The following ULK4 variants were observed in gnomAD, a reference collection of about 807,000 sequenced individuals.
ULK4 encodes the protein unc-51 like kinase 4.
Under a neutral mutation model 160.6 loss-of-function variants are expected in ULK4, and 133 were observed. That is an observed-to-expected ratio of 0.83 (90% CI 0.72 to 0.96). The LOEUF (loss-of-function observed/expected upper bound fraction) is 0.96. Ranked by LOEUF, ULK4 falls within the 40% of genes least tolerant of loss-of-function variation. The probability of loss-of-function intolerance (pLI) is 0.00; values close to 1 mark genes in which losing one functional copy is unlikely to be tolerated. For missense variants in ULK4, 1,580 were observed against 1,499.5 expected, an observed-to-expected ratio of 1.05 and a Z score of -0.89; for synonymous variants, 534 against 539.8, an observed-to-expected ratio of 0.99 and a Z score of 0.15.
intron 27 of ULK4, among the ~76,000 whole-genome samples, chr3:41,704,561 A>G (rs1338726395): frequency 6.6e-6 from 1 of 152,180 alleles, no homozygotes. Flanking sequence ...CAGTTTCCCA[A>G]ATGGGAGCAA....
At chr3:41,432,622 A>C (rs2082937957) in intron 34 of ULK4, among the ~76,000 whole-genome samples, 1 of 152,184 alleles carries the variant, frequency 6.6e-6, no homozygotes, top group Non-Finnish European at 1.5e-5. Flanking sequence ...TTTTCATAGA[A>C]GACACTTTGC....
intron 21 of ULK4, among the ~76,000 whole-genome samples, chr3:41,758,804 C>T (rs1174027001): frequency 2.7e-5 from 4 of 150,784 alleles, no homozygotes; most frequent in Non-Finnish European, 4.4e-5. Flanking sequence ...ACCCGGGAGG[C>T]GGAGCTTGCA....
At chr3:41,649,352 C>A (rs538866175) in intron 30 of ULK4, among the ~76,000 whole-genome samples, 1 of 152,258 alleles carries the variant, frequency 6.6e-6, no homozygotes, top group Non-Finnish European at 1.5e-5. Flanking sequence ...AGCCCCACCC[C>A]CTACTGAGTC....
chr3:41,823,600 G>C (rs1325477793), intron 18 of ULK4, among the ~76,000 whole-genome samples: 1 of 152,148 alleles, frequency 6.6e-6, no homozygotes, highest in African/African-American at 2.4e-5. Context: ...TGTTACTAGA[G>C]AGCCAACAAG....
At chr3:41,827,826 G>C (rs1482756525) in intron 18 of ULK4, among the ~76,000 whole-genome samples, 1 of 151,908 alleles carries the variant, frequency 6.6e-6, no homozygotes, top group Non-Finnish European at 1.5e-5. Flanking sequence ...TGATACCAAA[G>C]CCTGGCAGAG....
intron 35 of ULK4, among the ~76,000 whole-genome samples, chr3:41,353,128 C>A (rs1475026277): frequency 6.6e-6 from 1 of 152,154 alleles, no homozygotes; most frequent in East Asian, 1.9e-4. Context: ...CTGTCTCCTG[C>A]CTACTATGTA....
intron 35 of ULK4, among the ~76,000 whole-genome samples, chr3:41,296,217 T>C (rs1360203899): frequency 1.3e-5 from 2 of 152,130 alleles, no homozygotes; most frequent in African/African-American, 4.8e-5. Context: ...AGGCAGAAAG[T>C]ATATGGGAAA....
At chr3:41,696,744 A>T (rs2036517767) in intron 27 of ULK4, among the ~76,000 whole-genome samples, 1 of 152,094 alleles carries the variant, frequency 6.6e-6, no homozygotes, top group Non-Finnish European at 1.5e-5. Context: ...GATGAGGTTA[A>T]GGATCTTGAG....
intron 22 of ULK4, among the ~76,000 whole-genome samples, chr3:41,723,430 T>C (rs183456411): frequency 2.0e-5 from 3 of 152,252 alleles, no homozygotes; most frequent in Admixed American, 6.5e-5. Flanking sequence ...GTCTTTCACA[T>C]TGAAGTCCTC....
At chr3:41,734,506 T>C (rs1277691622) in intron 22 of ULK4, among the ~76,000 whole-genome samples, 1 of 152,016 alleles carries the variant, frequency 6.6e-6, no homozygotes, top group African/African-American at 2.4e-5. Context: ...TTCATCTAAG[T>C]GTATATCAGC....
chr3:41,712,390 G>A (rs909508192), intron 25 of ULK4, among the ~76,000 whole-genome samples: 2 of 152,146 alleles, frequency 1.3e-5, no homozygotes, highest in Non-Finnish European at 2.9e-5. Flanking sequence ...CTCATGAAGA[G>A]CTGCCTCAGG....
At position 41,247,743 on chromosome 3, in the gene ULK4, C is replaced by A. The variant is rs186148685; in HGVS notation, c.3765-751G>T. On this transcript the variant is annotated intron_variant, in intron 36 of 36. Coordinates refer to ENST00000301831, the MANE Select transcript of ULK4 (RefSeq NM_017886.4). ...AAGGAATGCGTTTGAACTTGGCCCA[C>A]CCCTGGCTGAGTCTAGGCTAGACTA... is the stretch of plus-strand genomic sequence containing the variant. Among the ~76,000 whole-genome samples the A allele has an allele frequency of 4.6e-5, 7 of 152,320 alleles. No individual in the cohort carries two copies. In the East Asian group the frequency reaches 1.4e-3, roughly 29 times the overall value.
chr3:41,458,163 G>C (rs1043178640), intron 33 of ULK4, among the ~76,000 whole-genome samples: 1 of 152,148 alleles, frequency 6.6e-6, no homozygotes, highest in Non-Finnish European at 1.5e-5. Flanking sequence ...TGAGCAAGCT[G>C]CTAGGTATAT....
chr3:41,603,359 G>GT (rs960630492), intron 31 of ULK4, among the ~76,000 whole-genome samples: 2 of 151,918 alleles, frequency 1.3e-5, no homozygotes, highest in African/African-American at 4.8e-5. Flanking sequence ...CTGGGAGAGA[G>GT]ACAAGACAGG....
At chr3:41,868,690 T>C (rs1696987705) in intron 17 of ULK4, among the ~76,000 whole-genome samples, 1 of 151,906 alleles carries the variant, frequency 6.6e-6, no homozygotes, top group African/African-American at 2.4e-5. Context: ...TAGAGACAGG[T>C]TTCATCATGT....
At chr3:41,958,781 G>C (rs963578844) in intron 1 of ULK4, among the ~76,000 whole-genome samples, 1 of 151,884 alleles carries the variant, frequency 6.6e-6, no homozygotes, top group African/African-American at 2.4e-5. Flanking sequence ...TTCTAGGAGA[G>C]GAAAGCTTTT....
At chr3:41,527,678 A>G (rs879059136) in intron 32 of ULK4, among the ~76,000 whole-genome samples, 3 of 152,212 alleles carry the variant, frequency 2.0e-5, no homozygotes, top group East Asian at 1.9e-4. Flanking sequence ...GCACCTTCCT[A>G]TCTACTATTT....
rs775924192 is a variant in ULK4, at chr3:41,463,149, G to C, written c.3331C>G (p.Leu1111Val). The C allele has an allele frequency of 1.1e-5, 18 of 1,613,788 alleles. No homozygotes were observed. The highest frequency in any genetic ancestry group is 1.4e-5 in the Non-Finnish European group (17 of 1,179,784). The change falls in exon 33 of 37, where the codon CTG (leucine) becomes GTG (valine). Residue 1111 changes from leucine to valine, a missense_variant. By Grantham distance (32) the Leu-to-Val change is conservative. Transcript: ENST00000301831. ...NEMAAPLLFSLLDILHSMLTY... is the reference protein window; with the variant it reads ...NEMAAPLLFSVLDILHSMLTY... Reference sequence around the variant, plus strand: ...AGCATGCTGTGCAAAATATCAAGCAGGGAAAAGAGCAGTGGAGCTGCCATC... The same window carrying C: ...AGCATGCTGTGCAAAATATCAAGCACGGAAAAGAGCAGTGGAGCTGCCATC...
Position 41,880,387 on chromosome 3 carries a change from T to C in ULK4, c.1656+3487A>G, listed in dbSNP as rs1200208147. ...AAGGAGATCATGACCAGTTATTTTC[T>C]GTAGCTGTTGATGACAGAATAAGAT... is the stretch of plus-strand genomic sequence containing the variant. On this transcript the variant is annotated intron_variant, in intron 17 of 36. Transcript: ENST00000301831. Among the ~76,000 whole-genome samples the C allele has an allele frequency of 3.9e-5, 6 of 152,342 alleles. No homozygotes were observed. The South Asian group carries it at 8.3e-4, about 21-fold the overall frequency.
Sources: allele counts gnomAD v4.1 joint callset (sites outside exome capture counted in the v4.1 genomes callset), GRCh38; gene constraint gnomAD v4.1.1; transcripts MANE v1.5; gene names NCBI Gene and HGNC (gene_info 2026-07-23, HGNC 2026-07-21).